Variants in TFDP2 observed in about 807,000 individuals in gnomAD.
TFDP2 encodes the protein transcription factor Dp-2, also known as transcription factor Dp-2 (E2F dimerization partner 2).
In TFDP2, 17 loss-of-function variants were observed where a neutral mutation model predicts 59.3. That is an observed-to-expected ratio of 0.29 (90% CI 0.20 to 0.43). The LOEUF is 0.43. TFDP2 is among the 20% of genes least tolerant of loss of function. TFDP2 has a pLI of 1.00. For missense variants in TFDP2, 391 were observed against 528.8 expected, an observed-to-expected ratio of 0.74 and a Z score of 2.56; for synonymous variants, 180 against 194.7, an observed-to-expected ratio of 0.92 and a Z score of 0.63.
rs1183454907 is a variant in TFDP2, at chr3:142,102,282, A to C, written c.-92-441T>G. Among the ~76,000 whole-genome samples, 3 of 152,206 alleles carry C rather than the reference A, an allele frequency of 2.0e-5. No individual in the cohort carries two copies. In the South Asian group the frequency reaches 6.2e-4, roughly 31 times the overall value. On this transcript the variant is annotated intron_variant, in intron 1 of 12. Coordinates refer to ENST00000489671, the MANE Select transcript of TFDP2 (RefSeq NM_001178139.2). ...GCCTACAGCTGGACAATTTTCAACAACTGAACACCAAAGTACATACTGATA... is the reference window on the plus strand; with the variant it reads ...GCCTACAGCTGGACAATTTTCAACACCTGAACACCAAAGTACATACTGATA...
At chr3:142,005,204 T>C (rs1944113354) in intron 4 of TFDP2, among the ~76,000 whole-genome samples, 1 of 152,210 alleles carries the variant, frequency 6.6e-6, no homozygotes, top group Non-Finnish European at 1.5e-5. Flanking sequence ...TGCGCCACAG[T>C]GCCCAGCTGT....
rs767617459 is a variant in TFDP2, at chr3:141,969,234, T to G, written c.732+839A>C. On this transcript the variant is annotated intron_variant, in intron 9 of 12. Coordinates refer to ENST00000489671, the MANE Select transcript of TFDP2 (RefSeq NM_001178139.2). ...ATATATATATCTCATATATATGAGATATATATATATATAACATATATATAT... is the reference window on the plus strand; with the variant it reads ...ATATATATATCTCATATATATGAGAGATATATATATATAACATATATATAT... Among the ~76,000 whole-genome samples, 65 of 73,306 alleles carry G rather than the reference T, an allele frequency of 8.9e-4. 6 individuals are homozygous for G. The highest frequency in any genetic ancestry group is 6.7e-3 in the Middle Eastern group (1 of 150). 48.1% of individuals were successfully genotyped at this position (73,306 alleles called of 152,430 possible). A position where few individuals can be genotyped will look rare whatever the true frequency, so the allele number is the denominator to read the frequency against.
At position 141,952,435 on chromosome 3, in the gene TFDP2, C is replaced by G; in HGVS notation, c.*78G>C. 7.3e-7 allele frequency: 1 copy of G among 1,366,824 alleles called. No individual in the cohort carries two copies. Among genetic ancestry groups the G allele is most frequent in the Non-Finnish European group, 9.7e-7 (1 of 1,027,268 alleles). The allele number at this position is 1,366,824 out of a possible 1,614,324, so 84.7% of individuals were successfully genotyped here. Reference sequence around the variant, plus strand: ...GTGCAAACAAAGGCAAAGACTGAAGCAATCATTTCAAAAACAAGAGCTCAC... The same window carrying G: ...GTGCAAACAAAGGCAAAGACTGAAGGAATCATTTCAAAAACAAGAGCTCAC... On this transcript the variant is annotated 3_prime_UTR_variant, in exon 13 of 13. Coordinates refer to ENST00000489671, the MANE Select transcript of TFDP2 (RefSeq NM_001178139.2).
rs146168628 is a variant in TFDP2, at chr3:142,060,540, T to A, written c.82+32521A>T. Among the ~76,000 whole-genome samples, 358 of 152,310 alleles carry A rather than the reference T, an allele frequency of 2.4e-3. 2 individuals are homozygous for A. The highest frequency in any genetic ancestry group is 8.3e-3 in the African/African-American group (347 of 41,574). On this transcript the variant is annotated intron_variant, in intron 3 of 12. Transcript: ENST00000489671. ...TTGTCTCAATAGCCTGCCATTACAA[T>A]ATGATCTTAAAATGCCAATGAGGTT...
rs1936034958 is a variant in TFDP2, at chr3:141,952,528, G to A, written c.1326C>T (p.Ser442=). ...TCTCTTGTCTTTATTCTGGGGAGGA[G>A]GAATCCTCCTCATCATCTTCCTCAT... ...DEDEEDDEED[S]SSPE Residue 442 remains serine, a synonymous_variant, in exon 13 of 13, where the codon TCC becomes TCT. Coordinates refer to ENST00000489671, the MANE Select transcript of TFDP2 (RefSeq NM_001178139.2). 1 of 1,545,676 alleles carries A rather than the reference G, an allele frequency of 6.5e-7. No individual in the cohort carries two copies. Among genetic ancestry groups the A allele is most frequent in the Admixed American group, 2.4e-5 (1 of 42,202 alleles).
chr3:142,071,301 C>G (rs1393543092), intron 3 of TFDP2, among the ~76,000 whole-genome samples: 1 of 152,108 alleles, frequency 6.6e-6, no homozygotes, highest in South Asian at 2.1e-4. Flanking sequence ...GGATTACAGG[C>G]GCACACCACC....
chr3:142,108,715 G>A (rs1207649025), intron 1 of TFDP2, among the ~76,000 whole-genome samples: 1 of 152,128 alleles, frequency 6.6e-6, no homozygotes, highest in Non-Finnish European at 1.5e-5. Flanking sequence ...ACATTTTAAT[G>A]ACTCAAATCT....
chr3:141,990,826 G>A (rs1942684447), intron 6 of TFDP2, among the ~76,000 whole-genome samples: 1 of 152,168 alleles, frequency 6.6e-6, no homozygotes, highest in South Asian at 2.1e-4. Flanking sequence ...GGGAGGCTGA[G>A]GCGGGCAGAT....
chr3:141,965,588 A>C, intron 9 of TFDP2, among the ~76,000 whole-genome samples: 1 of 140,132 alleles, frequency 7.1e-6, no homozygotes, highest in South Asian at 2.3e-4. Flanking sequence ...AGGGGAAGGA[A>C]AGGGGAAGGA....
intron 3 of TFDP2, among the ~76,000 whole-genome samples, chr3:142,049,842 TACAA>T (rs1947521682): frequency 6.6e-6 from 1 of 152,174 alleles, no homozygotes; most frequent in African/African-American, 2.4e-5. Flanking sequence ...ACATATTATT[TACAA>T]TAGCATAAAA....
rs956658328 is a variant in TFDP2, at chr3:142,073,463, C to T, written c.82+19598G>A. ...GCTTAAAAACAAACAAACAACCCCC[C>T]CCCCCCCGCAAAAAAAAAAAATAAA... On this transcript the variant is annotated intron_variant, in intron 3 of 12. Coordinates refer to ENST00000489671, the MANE Select transcript of TFDP2 (RefSeq NM_001178139.2). Among the ~76,000 whole-genome samples, 433 of 64,830 alleles carry T rather than the reference C, an allele frequency of 6.7e-3. 75 individuals are homozygous for T. The highest frequency in any genetic ancestry group is 0.024 in the African/African-American group (406 of 17,126). 42.5% of individuals were successfully genotyped at this position (64,830 alleles called of 152,430 possible). A position where few individuals can be genotyped will look rare whatever the true frequency, so the allele number is the denominator to read the frequency against.
rs116586064 is a variant in TFDP2 at position 141,955,515 on chromosome 3, G to A, written c.1052-2499C>T. Reference sequence around the variant, plus strand: ...AGAGAGGAAAGCTGGGTGGGGAGACGGAACAGGTGGGCTGAGGGGCAAGGA... The same window carrying A: ...AGAGAGGAAAGCTGGGTGGGGAGACAGAACAGGTGGGCTGAGGGGCAAGGA... On this transcript the variant is annotated intron_variant, in intron 11 of 12. Coordinates refer to ENST00000489671, the MANE Select transcript of TFDP2 (RefSeq NM_001178139.2). Among the ~76,000 whole-genome samples the A allele has an allele frequency of 1.4e-3, 219 of 152,192 alleles. 2 individuals carry two copies. Among genetic ancestry groups the A allele is most frequent in the African/African-American group, 5.1e-3 (210 of 41,526 alleles).
intron 3 of TFDP2, among the ~76,000 whole-genome samples, chr3:142,034,043 A>AT (rs1488344132): frequency 6.6e-6 from 1 of 151,254 alleles, no homozygotes; most frequent in Non-Finnish European, 1.5e-5. Context: ...AATCACTAAA[A>AT]TTTTTTAGTG....
chr3:141,974,253 T>C, intron 7 of TFDP2, 62 bp from the exon 8 acceptor site: 1 of 1,337,410 alleles, frequency 7.5e-7, no homozygotes, highest in Non-Finnish European at 9.9e-7. Context: ...TCACATGATA[T>C]GAATATATCA....
intron 1 of TFDP2, among the ~76,000 whole-genome samples, chr3:142,115,419 C>T (rs753048846): frequency 1.3e-5 from 2 of 151,606 alleles, no homozygotes; most frequent in Admixed American, 6.6e-5. Flanking sequence ...CCCGGATTCA[C>T]GCCATTCTCC....
At chr3:142,029,714 T>A (rs1187960516) in intron 3 of TFDP2, among the ~76,000 whole-genome samples, 1 of 152,160 alleles carries the variant, frequency 6.6e-6, no homozygotes, top group Non-Finnish European at 1.5e-5. Context: ...TAGCAAGATG[T>A]AAAGATAATT....
At chr3:141,998,298 C>A (rs544933905) in intron 4 of TFDP2, among the ~76,000 whole-genome samples, 2 of 152,146 alleles carry the variant, frequency 1.3e-5, no homozygotes, top group East Asian at 3.9e-4. Flanking sequence ...TGCTTTCTAA[C>A]CCTGAACCTT....
chr3:142,149,390 T>G lies in TFDP2; in HGVS notation c.-300A>C. Reference sequence around the variant, plus strand: ...CCAACCGTGCGCGCGCCCTCGAGCCTGCCCAAAGATGAAGGGTCAGGGCGC... The same window carrying G: ...CCAACCGTGCGCGCGCCCTCGAGCCGGCCCAAAGATGAAGGGTCAGGGCGC... On this transcript the variant is annotated 5_prime_UTR_variant, in exon 1 of 13. Transcript: ENST00000489671. 1.3e-5 allele frequency: 5 copies of G among 375,540 alleles called. No homozygotes were observed. Among genetic ancestry groups the G allele is most frequent in the African/African-American group, 2.1e-5 (1 of 47,798 alleles). 23.3% of individuals were successfully genotyped at this position (375,540 alleles called of 1,614,324 possible).
At chr3:141,973,375 G>A (rs1202277633) in intron 8 of TFDP2, among the ~76,000 whole-genome samples, 1 of 151,850 alleles carries the variant, frequency 6.6e-6, no homozygotes, top group Non-Finnish European at 1.5e-5. Flanking sequence ...CACCGCCCCT[G>A]GCCCAGAAGC....
Sources: gnomAD v4.1 joint callset for allele counts (sites outside exome capture counted in the v4.1 genomes callset) on GRCh38, gnomAD v4.1.1 for gene constraint, MANE v1.5 for transcripts, NCBI Gene and HGNC (gene_info 2026-07-23, HGNC 2026-07-21) for gene names.